ZNF180: variants seen among roughly 807,000 people sequenced by gnomAD.
ZNF180 encodes the protein zinc finger protein 180.
A neutral mutation model predicts 11.8 loss-of-function variants in ZNF180; 11 were observed. The ratio of observed to expected loss-of-function variants is 0.93; its 90% CI spans 0.59 to 1.55. The LOEUF (loss-of-function observed/expected upper bound fraction) is 1.55, where lower values mean the gene tolerates loss of function less well. ZNF180 is among the 40% of genes most tolerant of loss of function. The probability of loss-of-function intolerance (pLI) is 0.00; values close to 1 mark genes in which losing one functional copy is unlikely to be tolerated. For missense variants in ZNF180, 773 were observed against 781.7 expected, an observed-to-expected ratio of 0.99 and a Z score of 0.13; for synonymous variants, 287 against 257.7, an observed-to-expected ratio of 1.11 and a Z score of -1.09.
rs1298840241 is a variant in ZNF180 at position 44,476,840 on chromosome 19, T to C, written c.1560A>G (p.Lys520=). The part of the protein sequence containing the change: ...VAHQRTHTGE[K]PYECSECGKS... ...TTCCACATTCACTACATTCATACGG[T>C]TTCTCTCCAGTGTGAGTTCTTTGAT... is the stretch of plus-strand genomic sequence containing the variant. Residue 520 remains lysine (K), a synonymous_variant, in exon 5 of 5, where the codon AAA becomes AAG. Transcript: ENST00000592529. The C allele has an allele frequency of 1.9e-6, 3 of 1,614,098 alleles. No homozygotes were observed. Among genetic ancestry groups the C allele is most frequent in the South Asian group, 2.2e-5 (2 of 91,080 alleles).
intron 3 of ZNF180, among the ~76,000 whole-genome samples, chr19:44,480,780 G>A (rs1006959376): frequency 1.6e-4 from 25 of 152,226 alleles, no homozygotes; most frequent in East Asian, 9.6e-4. Context: ...ATGAGTGGTC[G>A]CATGAGGTCA....
rs2686775 is a variant in ZNF180, at chr19:44,495,998, T to C, written c.51+1286A>G. Reference sequence around the variant, plus strand: ...AAATTAAGAGTTTTCAAAGAATATTTGCGGTGGGAAATGTTCTAAATTGTT... The same window carrying C: ...AAATTAAGAGTTTTCAAAGAATATTCGCGGTGGGAAATGTTCTAAATTGTT... On this transcript the variant is annotated intron_variant, in intron 2 of 4. Transcript: ENST00000592529. This position sits in a 1 kb window ranked among gnomAD's most constrained non-coding sequence, Gnocchi z 4.5. 0.3 allele frequency among the ~76,000 whole-genome samples: 44,932 copies of C among 152,004 alleles called. 7,877 individuals are homozygous for C. The highest frequency in any genetic ancestry group is 0.4 in the South Asian group (1,937 of 4,812).
At chr19:44,479,219 A>G (rs1187731228) in intron 4 of ZNF180, 64 bp downstream of exon 4, 1 of 1,575,424 alleles carries the variant, frequency 6.3e-7, no homozygotes, top group Admixed American at 1.8e-5. Context: ...CACAGTTCTT[A>G]ATCGATCAGA....
intron 1 of ZNF180, among the ~76,000 whole-genome samples, chr19:44,498,977 G>T (rs1343724507): frequency 6.6e-6 from 1 of 152,090 alleles, no homozygotes; most frequent in Non-Finnish European, 1.5e-5. Flanking sequence ...CCCGTCTGGG[G>T]GCACACCATG....
At chr19:44,489,860 CAAGA>C (rs1014746013) in intron 2 of ZNF180, among the ~76,000 whole-genome samples, 19 of 86,316 alleles carry the variant, frequency 2.2e-4, no homozygotes, top group Admixed American at 1.2e-3. Flanking sequence ...AAGAGAAGAA[CAAGA>C]AAGAAAGAGA....
chr19:44,485,814 T>C (rs1445666955), intron 2 of ZNF180, among the ~76,000 whole-genome samples: 1 of 152,206 alleles, frequency 6.6e-6, no homozygotes, highest in Non-Finnish European at 1.5e-5. Flanking sequence ...ACCAGGAAAT[T>C]GAAATTTTGG....
rs1969992797 is a variant in ZNF180 at position 44,478,486 on chromosome 19, G to A, written c.254-340C>T. 2.0e-5 allele frequency among the ~76,000 whole-genome samples: 3 copies of A among 152,176 alleles called. 1 individual carries two copies. Among genetic ancestry groups the A allele is most frequent in the African/African-American group, 7.2e-5 (3 of 41,442 alleles). On this transcript the variant is annotated intron_variant, in intron 4 of 4. Transcript: ENST00000592529. ...CCCAATTTTGCAATATGTATAGAGA[G>A]TCTTTTCCACTCTTTAGTGCTACAC...
chr19:44,500,292 C>T lies in ZNF180; in HGVS notation c.-61G>A, dbSNP rs752054675. ...CTACCAACCTGGGCGTCCGCTGGCC[C>T]GCAGCCCAGGCTGGGCCTGTCACCG... On this transcript the variant is annotated 5_prime_UTR_variant, in exon 1 of 5. Coordinates refer to ENST00000592529, the MANE Select transcript of ZNF180 (RefSeq NM_001278509.3). 5.6e-5 allele frequency: 90 copies of T among 1,610,284 alleles called. No homozygotes were observed. Among genetic ancestry groups the T allele is most frequent in the Admixed American group, 8.3e-5 (5 of 59,950 alleles).
intron 2 of ZNF180, among the ~76,000 whole-genome samples, chr19:44,488,881 C>T (rs892839880): frequency 1.3e-5 from 2 of 151,536 alleles, no homozygotes; most frequent in Non-Finnish European, 2.9e-5. Context: ...CCGGTCGCCC[C>T]ATCTGAGAAG....
In ZNF180 at chr19:44,477,609, T is replaced by A; in HGVS notation, c.791A>T (p.His264Leu). ...TTTTCCTCCTCCATGAATTTTTTCA[T>A]GTATATGTAGGGGTGTACCATGGCA... Reference protein sequence around the residue: ...SFCHGTPLHIHEKIHGGGKTF... With the variant: ...SFCHGTPLHILEKIHGGGKTF... The change falls in exon 5 of 5, where the codon CAT becomes CTT. Residue 264 changes from histidine to leucine, a missense_variant. Coordinates refer to ENST00000592529, the MANE Select transcript of ZNF180 (RefSeq NM_001278509.3). 1 of 1,614,082 alleles carries A rather than the reference T, an allele frequency of 6.2e-7. No homozygotes were observed.
Position 44,479,301 on chromosome 19 carries a change from TGTGGTTCTCCA to T in ZNF180, c.224_234del (p.Leu75GlnfsTer25), listed in dbSNP as rs1357669167. On this transcript the variant is annotated frameshift_variant, in exon 4 of 5. Transcript: ENST00000592529. LOFTEE classifies it low-confidence loss of function (END_TRUNC). Reference sequence around the variant, plus strand: ...TTCTTACCCCAAGAGACTAGGTCCCTGTGGTTCTCCAGGATCACATCTCTGTCCAGGGTCCT... The same window carrying T: ...TTCTTACCCCAAGAGACTAGGTCCCTGGATCACATCTCTGTCCAGGGTCCT... The T allele has an allele frequency of 6.2e-7, 1 of 1,613,798 alleles. No homozygotes were observed. The highest frequency in any genetic ancestry group is 8.5e-7 in the Non-Finnish European group (1 of 1,179,900).
In ZNF180 at chr19:44,477,654, C is replaced by G; in HGVS notation, c.746G>C (p.Ser249Thr). The G allele has an allele frequency of 6.2e-7, 1 of 1,613,920 alleles. No homozygotes were observed. The highest frequency in any genetic ancestry group is 8.5e-7 in the Non-Finnish European group (1 of 1,179,914). The change falls in exon 5 of 5, where the codon AGT becomes ACT. Residue 249 changes from serine to threonine, a missense_variant. Transcript: ENST00000592529. Reference protein sequence around the residue: ...TQTKDKSYGFSDRIQSFCHGT... With the variant: ...TQTKDKSYGFTDRIQSFCHGT... ...ATGGCAAAAAGATTGAATACGGTCACTAAATCCATAGGATTTATCTTTTGT... is the reference window on the plus strand; with the variant it reads ...ATGGCAAAAAGATTGAATACGGTCAGTAAATCCATAGGATTTATCTTTTGT...
chr19:44,490,724 T>C (rs1001449744), intron 2 of ZNF180, among the ~76,000 whole-genome samples: 1 of 152,212 alleles, frequency 6.6e-6, no homozygotes, highest in Admixed American at 6.5e-5. Context: ...CAGCAGGTAC[T>C]TGGCAGAAAC....
intron 3 of ZNF180, 139 bp from the exon 4 acceptor site, chr19:44,479,548 C>A: frequency 8.4e-7 from 1 of 1,189,170 alleles, no homozygotes; most frequent in Non-Finnish European, 1.2e-6. Flanking sequence ...CCAAAAGATT[C>A]CAGTCAAGAT....
At chr19:44,499,725 A>G (rs2123520493) in intron 1 of ZNF180, among the ~76,000 whole-genome samples, 2 of 152,266 alleles carry the variant, frequency 1.3e-5, no homozygotes, top group East Asian at 3.9e-4. Flanking sequence ...AAGAATCTGC[A>G]ACTCCAATCT....
rs1276420453 is a variant in ZNF180, at chr19:44,476,838, G to A, written c.1562C>T (p.Pro521Leu). The A allele has an allele frequency of 9.3e-6, 15 of 1,614,112 alleles. No homozygotes were observed. Among genetic ancestry groups the A allele is most frequent in the East Asian group, 2.2e-5 (1 of 44,876 alleles). ...AHQRTHTGEK[P>L]YECSECGKSF... ...TTTTCCACATTCACTACATTCATAC[G>A]GTTTCTCTCCAGTGTGAGTTCTTTG... is the stretch of plus-strand genomic sequence containing the variant. The change falls in exon 5 of 5, where the codon CCG (proline) becomes CTG (leucine). Residue 521 changes from proline to leucine, a missense_variant. Transcript: ENST00000592529.
chr19:44,474,700 G>A lies in ZNF180; in HGVS notation c.*1702C>T, dbSNP rs1480007518. 2 of 152,220 alleles carry A rather than the reference G, an allele frequency of 1.3e-5. No individual in the cohort carries two copies. Among genetic ancestry groups the A allele is most frequent in the East Asian group, 1.9e-4 (1 of 5,200 alleles). The allele number at this position is 152,220 out of a possible 1,614,324, so 9.4% of individuals were successfully genotyped here. On this transcript the variant is annotated 3_prime_UTR_variant, in exon 5 of 5. Transcript: ENST00000592529. ...ACTGTCTTAGGAAAAGACCATTGCAGGGGCACAGTCTTTCAACCCCACTGG... is the reference window on the plus strand; with the variant it reads ...ACTGTCTTAGGAAAAGACCATTGCAAGGGCACAGTCTTTCAACCCCACTGG...
intron 2 of ZNF180, among the ~76,000 whole-genome samples, chr19:44,493,804 C>A (rs1217117863): frequency 6.6e-6 from 1 of 152,186 alleles, no homozygotes; most frequent in East Asian, 1.9e-4. Context: ...CACTGCTATG[C>A]TGTGAACGCC....
Position 44,488,398 on chromosome 19 carries a change from G to A in ZNF180, c.52-3963C>T, listed in dbSNP as rs950543853. On this transcript the variant is annotated intron_variant, in intron 2 of 4. Transcript: ENST00000592529. ...TCCTGCCTCAGCCTGCCGAGTGCCC[G>A]CGATTGCAGGCGTGCGCCGCCACGC... is the stretch of plus-strand genomic sequence containing the variant. 5.5e-4 allele frequency among the ~76,000 whole-genome samples: 83 copies of A among 152,258 alleles called. 2 individuals carry two copies. The highest frequency in any genetic ancestry group is 1.4e-3 in the African/African-American group (59 of 41,544).
Sources: gnomAD v4.1 joint callset for allele counts (sites outside exome capture counted in the v4.1 genomes callset) on GRCh38, gnomAD v4.1.1 for gene constraint, Gnocchi (gnomAD v3.1) non-coding constraint, MANE v1.5 for transcripts, NCBI Gene and HGNC (gene_info 2026-07-23, HGNC 2026-07-21) for gene names.